The following CYFIP1 variants were observed in gnomAD, a reference collection of about 807,000 sequenced individuals.
CYFIP1 encodes cytoplasmic FMR1-interacting protein 1.
A neutral mutation model predicts 163.5 loss-of-function variants in CYFIP1; 58 were observed. The ratio of observed to expected loss-of-function variants is 0.35; its 90% CI spans 0.29 to 0.44. The LOEUF (loss-of-function observed/expected upper bound fraction) is 0.44. Among genes scored for constraint, CYFIP1 ranks in the 20% least tolerant of loss-of-function variants. CYFIP1 has a pLI of 1.00. For missense variants in CYFIP1, 1,338 were observed against 1,653.8 expected (o/e 0.81, Z 3.31); for synonymous variants, 663 against 660.7 (o/e 1.00, Z -0.05).
intron 1 of CYFIP1, among the ~76,000 whole-genome samples, chr15:22,965,853 C>T (rs1272425857): frequency 6.6e-6 from 1 of 152,112 alleles, no homozygotes; most frequent in Non-Finnish European, 1.5e-5. Flanking sequence ...AAGGGCTTGG[C>T]CCAGGGGATC....
In CYFIP1 at chr15:22,868,748, G is replaced by C. The variant is rs554460060; in HGVS notation, c.*1280C>G. The C allele has an allele frequency of 6.6e-6, 1 of 152,302 alleles. No homozygotes were observed. The highest frequency in any genetic ancestry group is 2.1e-4 in the South Asian group (1 of 4,830). The allele number at this position is 152,302 out of a possible 1,614,324, so 9.4% of individuals were successfully genotyped here. On this transcript the variant is annotated 3_prime_UTR_variant, in exon 31 of 31. Transcript: ENST00000617928. ...TCCAAAGGCCTCCGGAAAAGTAGGC[G>C]AGGCCTGCTTTTTATGGCAACTTGG...
chr15:22,975,122 A>G (rs542545537), intron 1 of CYFIP1, among the ~76,000 whole-genome samples: 1 of 152,310 alleles, frequency 6.6e-6, no homozygotes, highest in Admixed American at 6.5e-5. Context: ...TTATGAGAAC[A>G]CAGTATGTAA....
rs567533670 is a variant in CYFIP1 at position 22,917,640 on chromosome 15, G to C, written c.1674+148C>G. Reference sequence around the variant, plus strand: ...CAACTCACTTGGGTGGGAAACAGAGGAGCAGCAGAAACCACAGGCGCCACT... The same window carrying C: ...CAACTCACTTGGGTGGGAAACAGAGCAGCAGCAGAAACCACAGGCGCCACT... On this transcript the variant is annotated intron_variant, in intron 15 of 30. Transcript: ENST00000617928. This position sits in a 1 kb window ranked among gnomAD's most constrained non-coding sequence, Gnocchi z 4.2. The C allele has an allele frequency of 3.1e-6, 3 of 961,648 alleles. No homozygotes were observed. In the African/African-American group the frequency reaches 5.1e-5, roughly 16 times the overall value. 59.6% of individuals were successfully genotyped at this position (961,648 alleles called of 1,614,324 possible).
intron 20 of CYFIP1, among the ~76,000 whole-genome samples, chr15:22,910,201 C>G (rs939056398): frequency 1.3e-5 from 2 of 151,978 alleles, no homozygotes; most frequent in East Asian, 1.9e-4. Context: ...CACTCTGTCA[C>G]CCAGGCTGGA....
intron 22 of CYFIP1, among the ~76,000 whole-genome samples, chr15:22,895,510 T>C (rs997166980): frequency 1.3e-5 from 2 of 152,220 alleles, no homozygotes; most frequent in African/African-American, 4.8e-5. Flanking sequence ...GTTTAGATAC[T>C]GATTGACTCC....
At chr15:22,939,356 G>A (rs370488490) in intron 7 of CYFIP1, 36 bp from the exon 8 acceptor site, 17 of 1,613,886 alleles carry the variant, frequency 1.1e-5, no homozygotes, top group Middle Eastern at 1.6e-4. Context: ...GCATGGGCCC[G>A]GCGCCCGGCC....
chr15:22,933,683 T>TGCAGGCTGAG, intron 10 of CYFIP1, 119 bp downstream of exon 10: 1 of 725,136 alleles, frequency 1.4e-6, no homozygotes, highest in Non-Finnish European at 2.3e-6. Context: ...ACTGGACATT[T>TGCAGGCTGAG]AATTCCAGGC....
At chr15:22,882,113 G>A (rs1224186708) in intron 24 of CYFIP1, among the ~76,000 whole-genome samples, 177 bp from the exon 25 acceptor site, 2 of 152,200 alleles carry the variant, frequency 1.3e-5, no homozygotes, top group Non-Finnish European at 2.9e-5. Context: ...CCATCACCAG[G>A]TGGCTTCCCA....
At chr15:22,928,370 G>C (rs895628360) in intron 11 of CYFIP1, among the ~76,000 whole-genome samples, 1 of 151,926 alleles carries the variant, frequency 6.6e-6, no homozygotes, top group Non-Finnish European at 1.5e-5. Flanking sequence ...GCGACAGAGC[G>C]AGACTCCGTC....
At chr15:22,893,485 C>T (rs75803854) in intron 22 of CYFIP1, among the ~76,000 whole-genome samples, 1 of 152,182 alleles carries the variant, frequency 6.6e-6, no homozygotes, top group Non-Finnish European at 1.5e-5. Flanking sequence ...AAACATCAAA[C>T]TCAGCTAAGC....
intron 1 of CYFIP1, among the ~76,000 whole-genome samples, chr15:22,978,481 C>T (rs1476839973): frequency 1.4e-5 from 2 of 145,638 alleles, no homozygotes; most frequent in African/African-American, 5.1e-5. Context: ...AGTAACCAAA[C>T]ATCATTAAGT....
At chr15:22,897,850 G>C (rs1465829799) in intron 22 of CYFIP1, among the ~76,000 whole-genome samples, 2 of 152,174 alleles carry the variant, frequency 1.3e-5, no homozygotes, top group Non-Finnish European at 2.9e-5. Context: ...TGAACGCTGA[G>C]AATCATTCAG....
intron 13 of CYFIP1, among the ~76,000 whole-genome samples, chr15:22,919,537 G>C (rs975315466): frequency 3.9e-5 from 6 of 152,252 alleles, no homozygotes; most frequent in African/African-American, 1.2e-4. Flanking sequence ...GTGAGGCCTA[G>C]AAATCTCTCT....
chr15:22,920,230 T>A (rs2061128633), intron 13 of CYFIP1, among the ~76,000 whole-genome samples: 1 of 133,800 alleles, frequency 7.5e-6, no homozygotes, highest in Non-Finnish European at 1.5e-5. Flanking sequence ...AGTGGCATGA[T>A]CATAGCTCAC....
intron 23 of CYFIP1, among the ~76,000 whole-genome samples, chr15:22,883,644 C>T (rs973184166): frequency 9.2e-5 from 14 of 151,860 alleles, no homozygotes; most frequent in South Asian, 2.1e-4. Flanking sequence ...GGTGAAACCC[C>T]GTCTCTACTA....
intron 8 of CYFIP1, 135 bp downstream of exon 8, chr15:22,939,057 G>A: frequency 9.4e-7 from 1 of 1,065,288 alleles, no homozygotes; most frequent in Non-Finnish European, 1.4e-6. Flanking sequence ...GTGTGCAAGG[G>A]CAGGACGCTG....
chr15:22,895,758 C>T (rs756928268), intron 22 of CYFIP1, among the ~76,000 whole-genome samples: 10 of 152,162 alleles, frequency 6.6e-5, no homozygotes, highest in Admixed American at 2.0e-4. Context: ...AGCTCAGCTA[C>T]GTGGCCAGTG....
chr15:22,924,366 G>A (rs1172179146), intron 13 of CYFIP1, among the ~76,000 whole-genome samples: 1 of 152,176 alleles, frequency 6.6e-6, no homozygotes, highest in African/African-American at 2.4e-5. Flanking sequence ...AGAAGTTGCA[G>A]TAAGCTGAGA....
chr15:22,882,818 C>G (rs759969341), intron 24 of CYFIP1, 50 bp downstream of exon 24: 2 of 1,584,820 alleles, frequency 1.3e-6, no homozygotes, highest in Admixed American at 3.4e-5. Context: ...GGCATGGGTG[C>G]CCCAGGGAAT....
Sources: gnomAD v4.1 joint callset for allele counts (sites outside exome capture counted in the v4.1 genomes callset) on GRCh38, gnomAD v4.1.1 for gene constraint, Gnocchi (gnomAD v3.1) non-coding constraint, MANE v1.5 for transcripts, NCBI Gene and HGNC (gene_info 2026-07-23, HGNC 2026-07-21) for gene names.